MYO3B: variants seen among roughly 807,000 people sequenced by gnomAD.
MYO3B encodes myosin-IIIb.
In MYO3B, 156 loss-of-function variants were observed where a neutral mutation model predicts 174.6. The observed-to-expected ratio is 0.89, with a 90% CI of 0.78 to 1.02. The LOEUF (loss-of-function observed/expected upper bound fraction) is 1.02, where lower values mean the gene tolerates loss of function less well. MYO3B is among the 50% of genes least tolerant of loss of function. MYO3B has a pLI of 0.00. For missense variants in MYO3B, 1,632 were observed against 1,639.4 expected, an observed-to-expected ratio of 1.00 and a Z score of 0.08; for synonymous variants, 563 against 569.1, an observed-to-expected ratio of 0.99 and a Z score of 0.15.
intron 25 of MYO3B, among the ~76,000 whole-genome samples, chr2:170,472,613 A>G (rs1237724608): frequency 2.6e-5 from 4 of 151,640 alleles, no homozygotes; most frequent in Non-Finnish European, 5.9e-5. Flanking sequence ...GCAATTATCT[A>G]CCTCTTATCT....
intron 3 of MYO3B, among the ~76,000 whole-genome samples, chr2:170,203,496 G>A (rs1046467639): frequency 3.4e-5 from 4 of 116,790 alleles, no homozygotes; most frequent in Non-Finnish European, 6.5e-5. Context: ...AAAAGGGGGC[G>A]GCGGGGGGGG....
intron 32 of MYO3B, among the ~76,000 whole-genome samples, chr2:170,573,854 C>A (rs947740336): frequency 2.0e-5 from 3 of 152,112 alleles, no homozygotes; most frequent in African/African-American, 7.2e-5. Flanking sequence ...CCTCCCTAGT[C>A]ATTCTCAAGT....
At chr2:170,273,888 C>A (rs1343045775) in intron 7 of MYO3B, among the ~76,000 whole-genome samples, 1 of 152,114 alleles carries the variant, frequency 6.6e-6, no homozygotes, top group Non-Finnish European at 1.5e-5. Context: ...CTGGAGACCC[C>A]ACTTTAAATG....
intron 8 of MYO3B, among the ~76,000 whole-genome samples, chr2:170,364,728 A>G (rs761714962): frequency 2.0e-5 from 3 of 152,236 alleles, no homozygotes; most frequent in Admixed American, 6.5e-5. Flanking sequence ...TGTCAGTTTC[A>G]TCTTCATCCA....
intron 7 of MYO3B, among the ~76,000 whole-genome samples, chr2:170,310,243 A>G (rs2093728775): frequency 6.6e-6 from 1 of 152,214 alleles, no homozygotes; most frequent in Admixed American, 6.5e-5. Context: ...TCTGAGCCAA[A>G]CATGAGTGAT....
intron 7 of MYO3B, among the ~76,000 whole-genome samples, chr2:170,279,490 G>A (rs1215792714): frequency 6.6e-6 from 1 of 151,654 alleles, no homozygotes; most frequent in African/African-American, 2.4e-5. Flanking sequence ...AGGTTCAGGG[G>A]TACATGTGAA....
chr2:170,288,235 T>G (rs200100990), intron 7 of MYO3B, among the ~76,000 whole-genome samples: 1 of 19,596 alleles, frequency 5.1e-5, no homozygotes, highest in Admixed American at 5.3e-4. Context: ...AAATTTTAGG[T>G]TTTTTTTTTT....
intron 23 of MYO3B, among the ~76,000 whole-genome samples, chr2:170,461,499 A>G (rs1684282127): frequency 7.0e-6 from 1 of 142,588 alleles, no homozygotes; most frequent in Middle Eastern, 4.1e-3. Context: ...GGCTGGGCCG[A>G]GCACGGTGGC....
chr2:170,228,682 G>A (rs1413618477), intron 6 of MYO3B, among the ~76,000 whole-genome samples: 1 of 152,132 alleles, frequency 6.6e-6, no homozygotes, highest in Non-Finnish European at 1.5e-5. Context: ...CTGGTGTAGT[G>A]TAAGCGTGCT....
chr2:170,435,467 G>A (rs2105894120), intron 22 of MYO3B, among the ~76,000 whole-genome samples: 1 of 152,198 alleles, frequency 6.6e-6, no homozygotes, highest in South Asian at 2.1e-4. Context: ...GGAGACTCCT[G>A]AAAAAAGAAA....
At chr2:170,217,266 G>T in intron 5 of MYO3B, 53 bp from the exon 6 acceptor site, 1 of 1,511,322 alleles carries the variant, frequency 6.6e-7, no homozygotes, top group Non-Finnish European at 9.2e-7. Context: ...GCCGATTGCT[G>T]GTCTAGCATC....
chr2:170,584,349 CA>C (rs1401710214), intron 32 of MYO3B, among the ~76,000 whole-genome samples: 1 of 152,070 alleles, frequency 6.6e-6, no homozygotes, highest in Non-Finnish European at 1.5e-5. Context: ...TCTGTACACC[CA>C]TCACCATTTT....
chr2:170,417,138 T>G (rs1369989602), intron 22 of MYO3B, among the ~76,000 whole-genome samples: 2 of 152,234 alleles, frequency 1.3e-5, no homozygotes, highest in Non-Finnish European at 2.9e-5. Context: ...CTCTTTCTTC[T>G]GACCCAGAAT....
intron 30 of MYO3B, among the ~76,000 whole-genome samples, chr2:170,541,644 A>C (rs1333431457): frequency 1.3e-5 from 2 of 152,212 alleles, no homozygotes; most frequent in African/African-American, 4.8e-5. Context: ...TTACTGATCT[A>C]CATGGCCCCG....
chr2:170,395,828 C>T (rs559938778), intron 16 of MYO3B, among the ~76,000 whole-genome samples: 3 of 152,258 alleles, frequency 2.0e-5, no homozygotes, highest in South Asian at 2.1e-4. Context: ...AAACAACTAC[C>T]GGAGATGCCT....
chr2:170,461,435 T>G (rs1684273231), intron 23 of MYO3B, among the ~76,000 whole-genome samples: 1 of 136,454 alleles, frequency 7.3e-6, no homozygotes, highest in African/African-American at 2.8e-5. Flanking sequence ...ATCGCACCAT[T>G]GCACTCCAGC....
intron 32 of MYO3B, among the ~76,000 whole-genome samples, chr2:170,569,008 ATGT>A (rs1041770450): frequency 6.6e-6 from 1 of 152,208 alleles, no homozygotes; most frequent in African/African-American, 2.4e-5. Flanking sequence ...CCAGTCTGCC[ATGT>A]TGTTGCTTCT....
At chr2:170,290,807 T>C (rs549207062) in intron 7 of MYO3B, among the ~76,000 whole-genome samples, 8 of 151,984 alleles carry the variant, frequency 5.3e-5, no homozygotes, top group Non-Finnish European at 1.2e-4. Context: ...TATGTTTTAC[T>C]CTTTTGCTTT....
At chr2:170,303,818 T>A (rs73978325) in intron 7 of MYO3B, among the ~76,000 whole-genome samples, 7,787 of 152,250 alleles carry the variant, frequency 0.051, 341 homozygotes, top group Middle Eastern at 0.13. Context: ...TGTACTAATA[T>A]ATATTAATAT....
Sources: allele counts gnomAD v4.1 joint callset (sites outside exome capture counted in the v4.1 genomes callset), GRCh38; gene constraint gnomAD v4.1.1; transcripts MANE v1.5; gene names NCBI Gene and HGNC (gene_info 2026-07-23, HGNC 2026-07-21).